Variants in SLC25A44 observed in about 807,000 individuals in gnomAD.
SLC25A44 encodes solute carrier family 25 member 44, also known as solute carrier family 25, member 44.
SLC25A44 carries 17 observed loss-of-function variants against 29.9 expected under a neutral mutation model. The ratio of observed to expected loss-of-function variants is 0.57; its 90% CI spans 0.39 to 0.85. The LOEUF is 0.85. Ranked by LOEUF, SLC25A44 falls within the 40% of genes least tolerant of loss-of-function variation. The pLI is 0.00. For missense variants in SLC25A44, 302 were observed against 398.4 expected (o/e 0.76, Z 2.06); for synonymous variants, 140 against 151.8 (o/e 0.92, Z 0.57).
chr1:156,194,982 C>A (rs981025989), intron 1 of SLC25A44, among the ~76,000 whole-genome samples: 1 of 152,182 alleles, frequency 6.6e-6, no homozygotes, highest in African/African-American at 2.4e-5. Context: ...AGTCTGTGGA[C>A]CACCTTGGGT....
At chr1:156,203,390 C>T (rs1418217961) in intron 2 of SLC25A44, among the ~76,000 whole-genome samples, 3 of 152,304 alleles carry the variant, frequency 2.0e-5, no homozygotes, top group Non-Finnish European at 4.4e-5. Flanking sequence ...AGTTATTTTA[C>T]CCCCAACTCC....
intron 3 of SLC25A44, 34 bp downstream of exon 3, chr1:156,208,047 G>C (rs1406071087): frequency 6.2e-7 from 1 of 1,607,048 alleles, no homozygotes; most frequent in South Asian, 1.1e-5. Flanking sequence ...CCTCCTCCTG[G>C]AGAAGCCATT....
chr1:156,194,715 T>C (rs1656100629), intron 1 of SLC25A44, among the ~76,000 whole-genome samples: 1 of 152,148 alleles, frequency 6.6e-6, no homozygotes, highest in South Asian at 2.1e-4. Context: ...CATGTACATA[T>C]ATTCACGTTC....
intron 2 of SLC25A44, among the ~76,000 whole-genome samples, chr1:156,201,022 G>A: frequency 6.6e-6 from 1 of 151,826 alleles, no homozygotes; most frequent in South Asian, 2.1e-4. Flanking sequence ...TTTTAGTAGA[G>A]ATGGGGTTTC....
chr1:156,195,510 G>A (rs185716815), intron 1 of SLC25A44, among the ~76,000 whole-genome samples: 34 of 152,344 alleles, frequency 2.2e-4, no homozygotes, highest in Non-Finnish European at 4.0e-4. Context: ...TAATAACAGA[G>A]TCCAAATTTC....
rs112061108 is a variant in SLC25A44, at chr1:156,208,466, C to CA, written c.753+462dup. 5.1e-3 allele frequency among the ~76,000 whole-genome samples: 765 copies of CA among 150,488 alleles called. 2 individuals carry two copies. Among genetic ancestry groups the CA allele is most frequent in the African/African-American group, 0.017 (708 of 40,960 alleles). ...TGGGTGACAGAGTGAGACTTTGTCT[C>CA]AAAAAAAAATAAATAAATAAAAGAA... On this transcript the variant is annotated intron_variant, in intron 3 of 3. Coordinates refer to ENST00000359511, the MANE Select transcript of SLC25A44 (RefSeq NM_014655.4).
At chr1:156,208,087 T>C in intron 3 of SLC25A44, 74 bp downstream of exon 3, 1 of 1,342,246 alleles carries the variant, frequency 7.5e-7, no homozygotes, top group South Asian at 1.2e-5. Flanking sequence ...CCTCCAGTGT[T>C]GCCCTGACCT....
At chr1:156,210,124 T>G in intron 3 of SLC25A44, 116 bp from the exon 4 acceptor site, 2 of 695,552 alleles carry the variant, frequency 2.9e-6, no homozygotes, top group Non-Finnish European at 4.9e-6. Context: ...ACAAGCAGAA[T>G]CCACACCTTC....
At chr1:156,209,088 T>C (rs1449985822) in intron 3 of SLC25A44, among the ~76,000 whole-genome samples, 1 of 152,190 alleles carries the variant, frequency 6.6e-6, no homozygotes, top group Non-Finnish European at 1.5e-5. Context: ...AGCAGATAAG[T>C]AACAAATATA....
At chr1:156,200,541 G>A in intron 2 of SLC25A44, 69 bp downstream of exon 2, 1 of 1,419,882 alleles carries the variant, frequency 7.0e-7, no homozygotes, top group South Asian at 1.3e-5. Flanking sequence ...CTGTTGCTTT[G>A]TGCATGTTAG....
At chr1:156,208,103 T>C in intron 3 of SLC25A44, 90 bp downstream of exon 3, 2 of 1,142,506 alleles carry the variant, frequency 1.8e-6, no homozygotes, top group Non-Finnish European at 1.3e-6. Flanking sequence ...GACCTCTTTG[T>C]GTCCTGGCCC....
chr1:156,211,096 G>GTGTGTGTGTGTT lies in SLC25A44; in HGVS notation c.*670_*671insGTGTGTTTGTGT, dbSNP rs919143059. Reference sequence around the variant, plus strand: ...TGTGTGTGTGTGTGTGTGTGTGTGTGTGTGTTTTAACATCTGTGAACCAGG... The same window carrying GTGTGTGTGTGTT: ...TGTGTGTGTGTGTGTGTGTGTGTGTGTGTGTGTGTGTTTGTGTTTTAACATCTGTGAACCAGG... On this transcript the variant is annotated 3_prime_UTR_variant, in exon 4 of 4. Transcript: ENST00000359511. The GTGTGTGTGTGTT allele has an allele frequency of 1.3e-5, 2 of 152,352 alleles. No individual in the cohort carries two copies. The highest frequency in any genetic ancestry group is 5.0e-5 in the African/African-American group (2 of 39,926). 9.4% of individuals were successfully genotyped at this position (152,352 alleles called of 1,614,324 possible).
chr1:156,196,274 C>G (rs559320047), intron 1 of SLC25A44: 22 of 152,302 alleles, frequency 1.4e-4, no homozygotes, highest in African/African-American at 5.3e-4. Context: ...GGTTGAGATC[C>G]TACCTTTTAG....
chr1:156,207,178 ATTT>A (rs566114688), intron 2 of SLC25A44, among the ~76,000 whole-genome samples: 7 of 136,024 alleles, frequency 5.1e-5, no homozygotes, highest in South Asian at 2.4e-4. Flanking sequence ...TATACAAAAC[ATTT>A]TTTTTTTTTT....
At chr1:156,205,876 C>T (rs1266345429) in intron 2 of SLC25A44, among the ~76,000 whole-genome samples, 1 of 152,156 alleles carries the variant, frequency 6.6e-6, no homozygotes, top group Non-Finnish European at 1.5e-5. Flanking sequence ...ATGGTAGTCA[C>T]TCAATAAATC....
rs745630693 is a variant in SLC25A44, at chr1:156,200,454, T to C, written c.607T>C (p.Phe203Leu). The C allele has an allele frequency of 2.5e-6, 4 of 1,608,442 alleles. No individual in the cohort carries two copies. The Admixed American group carries it at 5.0e-5, about 20-fold the overall frequency. ...YIPNSAVWWP[F>L]YHFYAEQLSY... is the part of the protein sequence containing the mutation. Reference sequence around the variant, plus strand: ...CCCAAACAGTGCTGTCTGGTGGCCCTTCTATCACTTCTATGCAGGTAAGCA... The same window carrying C: ...CCCAAACAGTGCTGTCTGGTGGCCCCTCTATCACTTCTATGCAGGTAAGCA... The change falls in exon 2 of 4, where the codon TTC becomes CTC. Residue 203 changes from phenylalanine (F) to leucine (L), a missense_variant. Coordinates refer to ENST00000359511, the MANE Select transcript of SLC25A44 (RefSeq NM_014655.4).
At chr1:156,201,580 A>C (rs1056965926) in intron 2 of SLC25A44, among the ~76,000 whole-genome samples, 1 of 151,728 alleles carries the variant, frequency 6.6e-6, no homozygotes, top group Non-Finnish European at 1.5e-5. Context: ...TTTTCTGATT[A>C]TTGCTTCTTT....
intron 2 of SLC25A44, among the ~76,000 whole-genome samples, chr1:156,204,278 A>G (rs1005191637): frequency 1.3e-5 from 2 of 151,214 alleles, no homozygotes; most frequent in African/African-American, 4.9e-5. Context: ...AAGTGCTGGG[A>G]TTACAGGCAT....
chr1:156,201,658 CTTT>C (rs1464017390), intron 2 of SLC25A44, among the ~76,000 whole-genome samples: 1 of 150,602 alleles, frequency 6.6e-6, no homozygotes, highest in South Asian at 2.1e-4. Context: ...TTTCTTCTTC[CTTT>C]TTTCTTTCTT....
Sources: allele counts gnomAD v4.1 joint callset (sites outside exome capture counted in the v4.1 genomes callset), GRCh38; gene constraint gnomAD v4.1.1; transcripts MANE v1.5; gene names NCBI Gene and HGNC (gene_info 2026-07-23, HGNC 2026-07-21).